The following GPR157 variants were observed in gnomAD, a reference collection of about 807,000 sequenced individuals.
The protein encoded by GPR157 is G protein-coupled receptor 157.
A neutral mutation model predicts 23.5 loss-of-function variants in GPR157; 16 were observed. The observed-to-expected ratio is 0.68, with a 90% CI of 0.46 to 1.04. The LOEUF (loss-of-function observed/expected upper bound fraction) is 1.04, where lower values mean the gene tolerates loss of function less well. GPR157 is among the 50% of genes least tolerant of loss of function. GPR157 has a pLI of 0.00. For synonymous variants in GPR157, 200 were observed against 221.5 expected, an observed-to-expected ratio of 0.90 and a Z score of 0.86; for missense variants, 440 against 460.7, an observed-to-expected ratio of 0.96 and a Z score of 0.41.
chr1:9,116,294 A>T (rs1168140293), intron 1 of GPR157, among the ~76,000 whole-genome samples: 2 of 8,102 alleles, frequency 2.5e-4, no homozygotes, highest in Non-Finnish European at 1.7e-4. Flanking sequence ...TTATATATAA[A>T]TTATATATAT....
At position 9,105,360 on chromosome 1, in the gene GPR157, G is replaced by A. The variant is rs1638266421; in HGVS notation, c.792+126C>T. On this transcript the variant is annotated intron_variant, in intron 3 of 3. Coordinates refer to ENST00000377411, the MANE Select transcript of GPR157 (RefSeq NM_024980.5). This position sits in a 1 kb window ranked among gnomAD's most constrained non-coding sequence, Gnocchi z 4.8. ...CAGAGAGGAAGGCACAGCACAGTGG[G>A]GCCGAGCTCCTCCCTGCAGCTGTGC... The A allele has an allele frequency of 3.7e-6, 3 of 808,694 alleles. No individual in the cohort carries two copies. In the African/African-American group the frequency reaches 5.2e-5, roughly 14 times the overall value. The allele number at this position is 808,694 out of a possible 1,614,324, so 50.1% of individuals were successfully genotyped here.
intron 1 of GPR157, among the ~76,000 whole-genome samples, chr1:9,113,624 G>A (rs541414792): frequency 2.6e-5 from 4 of 152,260 alleles, no homozygotes; most frequent in South Asian, 4.1e-4. Flanking sequence ...ATGTCCTGTT[G>A]GAAGTCACAA....
intron 3 of GPR157, 60 bp from the exon 4 acceptor site, chr1:9,104,694 C>T: frequency 3.1e-6 from 4 of 1,288,404 alleles, no homozygotes; most frequent in Non-Finnish European, 3.2e-6. Flanking sequence ...AACACACGCG[C>T]TGTTGCAATT....
chr1:9,104,730 G>A (rs1441356065), intron 3 of GPR157, 96 bp from the exon 4 acceptor site: 2 of 882,180 alleles, frequency 2.3e-6, no homozygotes, highest in African/African-American at 1.7e-5. Flanking sequence ...GCTGGGTGCG[G>A]TGGCTCACAC....
intron 1 of GPR157, among the ~76,000 whole-genome samples, chr1:9,114,047 G>A (rs1156877290): frequency 6.6e-6 from 1 of 151,354 alleles, no homozygotes; most frequent in Non-Finnish European, 1.5e-5. Context: ...CAGGCCAGGC[G>A]AGGTGGCTCA....
Position 9,111,494 on chromosome 1 carries a change from G to A in GPR157, c.384-5C>T. 2 of 1,611,526 alleles carry A rather than the reference G, an allele frequency of 1.2e-6. No individual in the cohort carries two copies. Among genetic ancestry groups the A allele is most frequent in the Non-Finnish European group, 1.7e-6 (2 of 1,177,938 alleles). On this transcript the variant is annotated splice_region_variant and splice_polypyrimidine_tract_variant and intron_variant, in intron 1 of 3. Coordinates refer to ENST00000377411, the MANE Select transcript of GPR157 (RefSeq NM_024980.5). ...ATGACCAACGGGACCCCCCAGCTGAGGAAGGAGGAGAGAAAGAGGCATCGG... is the reference window on the plus strand; with the variant it reads ...ATGACCAACGGGACCCCCCAGCTGAAGAAGGAGGAGAGAAAGAGGCATCGG...
Position 9,105,675 on chromosome 1 carries a change from C to G in GPR157, c.603G>C (p.Thr201=). 2 of 1,606,948 alleles carry G rather than the reference C, an allele frequency of 1.2e-6. No individual in the cohort carries two copies. Among genetic ancestry groups the G allele is most frequent in the Non-Finnish European group, 1.7e-6 (2 of 1,176,308 alleles). Residue 201 remains threonine (T), a synonymous_variant, in exon 3 of 4, where the codon ACG becomes ACC. Coordinates refer to ENST00000377411, the MANE Select transcript of GPR157 (RefSeq NM_024980.5). The surrounding 1 kb of genome is among the most constrained non-coding windows in gnomAD (Gnocchi z 4.8). ...LVRKHINRAH[T]ALSEYRPILS... is the part of the protein sequence containing the mutation. ...GGATGGGCCGGTACTCAGAGAGTGC[C>G]GTGTGCTGTGTGGGGACAGCGAGGG...
intron 1 of GPR157, among the ~76,000 whole-genome samples, chr1:9,124,686 G>A (rs578186123): frequency 8.5e-5 from 13 of 152,212 alleles, no homozygotes; most frequent in South Asian, 4.1e-4. Context: ...TTCACCTCCC[G>A]TTGCTATGGA....
intron 1 of GPR157, among the ~76,000 whole-genome samples, chr1:9,119,392 T>C (rs1370564203): frequency 6.6e-6 from 1 of 152,090 alleles, no homozygotes; most frequent in Non-Finnish European, 1.5e-5. Flanking sequence ...AGCACACAGA[T>C]CTTTACAAAG....
At chr1:9,114,611 C>G (rs546857211) in intron 1 of GPR157, among the ~76,000 whole-genome samples, 3 of 152,118 alleles carry the variant, frequency 2.0e-5, no homozygotes, top group African/African-American at 7.2e-5. Flanking sequence ...CATGGGAAAC[C>G]GGGGGACCAC....
chr1:9,126,308 C>T (rs1273474807), intron 1 of GPR157, among the ~76,000 whole-genome samples: 1 of 152,164 alleles, frequency 6.6e-6, no homozygotes, highest in Non-Finnish European at 1.5e-5. Flanking sequence ...TGGTACCTTA[C>T]TGTTATAACT....
intron 1 of GPR157, among the ~76,000 whole-genome samples, chr1:9,126,633 A>G (rs1405501524): frequency 1.3e-5 from 2 of 152,210 alleles, no homozygotes; most frequent in Non-Finnish European, 2.9e-5. Context: ...TAATATTCCA[A>G]AGAAATACAC....
intron 1 of GPR157, among the ~76,000 whole-genome samples, chr1:9,123,306 T>A (rs1377755844): frequency 6.1e-5 from 3 of 48,924 alleles, no homozygotes; most frequent in African/African-American, 2.9e-4. Context: ...ATATTTAATT[T>A]AAATATATAT....
At chr1:9,123,654 A>G (rs191763068) in intron 1 of GPR157, among the ~76,000 whole-genome samples, 1 of 114,994 alleles carries the variant, frequency 8.7e-6, no homozygotes, top group Non-Finnish European at 1.6e-5. Flanking sequence ...TATTAAATAT[A>G]TATTAAATAT....
rs920907942 is a variant in GPR157 at position 9,105,363 on chromosome 1, C to T, written c.792+123G>A. 4.8e-5 allele frequency: 41 copies of T among 846,296 alleles called. No individual in the cohort carries two copies. Among genetic ancestry groups the T allele is most frequent in the Non-Finnish European group, 6.5e-5 (36 of 552,148 alleles). 52.4% of individuals were successfully genotyped at this position (846,296 alleles called of 1,614,324 possible). A position where few individuals can be genotyped will look rare whatever the true frequency, so the allele number is the denominator to read the frequency against. ...AGAGGAAGGCACAGCACAGTGGGGCCGAGCTCCTCCCTGCAGCTGTGCCTT... is the reference window on the plus strand; with the variant it reads ...AGAGGAAGGCACAGCACAGTGGGGCTGAGCTCCTCCCTGCAGCTGTGCCTT... On this transcript the variant is annotated intron_variant, in intron 3 of 3. Transcript: ENST00000377411. The surrounding 1 kb of genome is among the most constrained non-coding windows in gnomAD (Gnocchi z 4.8).
At chr1:9,125,000 C>T (rs61785837) in intron 1 of GPR157, among the ~76,000 whole-genome samples, 2,586 of 152,124 alleles carry the variant, frequency 0.017, 85 homozygotes, top group African/African-American at 0.057. Flanking sequence ...TTGTTGGCAC[C>T]GCGGGCGACC....
In GPR157 at chr1:9,129,059, A is replaced by G; in HGVS notation, c.-32T>C. On this transcript the variant is annotated 5_prime_UTR_variant, in exon 1 of 4. Transcript: ENST00000377411. ...GGGGGCCAGGAGCCGGAGCGCCGCG[A>G]GGACAGAAGCCGGGCCGCGCGTGCG... The G allele has an allele frequency of 8.1e-7, 1 of 1,235,076 alleles. No individual in the cohort carries two copies. The highest frequency in any genetic ancestry group is 1.0e-6 in the Non-Finnish European group (1 of 990,510). 76.5% of individuals were successfully genotyped at this position (1,235,076 alleles called of 1,614,324 possible). A position where few individuals can be genotyped will look rare whatever the true frequency, so the allele number is the denominator to read the frequency against.
rs1046909525 is a variant in GPR157 at position 9,101,197 on chromosome 1, G to C, written c.*3222C>G. On this transcript the variant is annotated 3_prime_UTR_variant, in exon 4 of 4. Coordinates refer to ENST00000377411, the MANE Select transcript of GPR157 (RefSeq NM_024980.5). Reference sequence around the variant, plus strand: ...TGAGTAGCTGGCACTACAGGCACACGAAACCACATCCAACTATTTTTTTTT... The same window carrying C: ...TGAGTAGCTGGCACTACAGGCACACCAAACCACATCCAACTATTTTTTTTT... 6.8e-6 allele frequency: 1 copy of C among 147,336 alleles called. No homozygotes were observed. The highest frequency in any genetic ancestry group is 1.5e-5 in the Non-Finnish European group (1 of 67,318). 9.1% of individuals were successfully genotyped at this position (147,336 alleles called of 1,614,324 possible).
rs924393800 is a variant in GPR157, at chr1:9,128,199, C to T, written c.383+446G>A. 7 of 455,294 alleles carry T rather than the reference C, an allele frequency of 1.5e-5. No individual in the cohort carries two copies. The Admixed American group carries it at 1.7e-4, about 11-fold the overall frequency. 28.2% of individuals were successfully genotyped at this position (455,294 alleles called of 1,614,324 possible). ...CGGGAGTGGCGGAGTGCACCAAGCTCACTGTGGCTTGGGGTGGGGTGGTGG... is the reference window on the plus strand; with the variant it reads ...CGGGAGTGGCGGAGTGCACCAAGCTTACTGTGGCTTGGGGTGGGGTGGTGG... On this transcript the variant is annotated intron_variant, in intron 1 of 3. Coordinates refer to ENST00000377411, the MANE Select transcript of GPR157 (RefSeq NM_024980.5). This position sits in a 1 kb window ranked among gnomAD's most constrained non-coding sequence, Gnocchi z 6.3.
Sources: gnomAD v4.1 joint callset for allele counts (sites outside exome capture counted in the v4.1 genomes callset) on GRCh38, gnomAD v4.1.1 for gene constraint, Gnocchi (gnomAD v3.1) non-coding constraint, MANE v1.5 for transcripts, NCBI Gene and HGNC (gene_info 2026-07-23, HGNC 2026-07-21) for gene names.